Variants in RNF121 observed in about 807,000 individuals in gnomAD.
RNF121 encodes the protein E3 ubiquitin ligase RNF121.
Under a neutral mutation model 46.5 loss-of-function variants are expected in RNF121, and 21 were observed. The observed-to-expected ratio is 0.45, with a 90% CI of 0.32 to 0.65. The LOEUF is 0.65. Ranked by LOEUF, RNF121 falls within the 30% of genes least tolerant of loss-of-function variation. The probability of loss-of-function intolerance (pLI) is 0.04; values close to 1 mark genes in which losing one functional copy is unlikely to be tolerated. For missense variants in RNF121, 346 were observed against 416.0 expected, an observed-to-expected ratio of 0.83 and a Z score of 1.46; for synonymous variants, 139 against 144.7, an observed-to-expected ratio of 0.96 and a Z score of 0.28.
In RNF121 at chr11:71,987,120, C is replaced by A; in HGVS notation, c.506+9C>A. On this transcript the variant is annotated intron_variant, in intron 5 of 8. Coordinates refer to ENST00000361756, the MANE Select transcript of RNF121 (RefSeq NM_018320.5). ...CTTAACTTATTATTCAAGTGAGTACCCTTTGTTTTTGTTTTTGCTGGAGTT... is the reference window on the plus strand; with the variant it reads ...CTTAACTTATTATTCAAGTGAGTACACTTTGTTTTTGTTTTTGCTGGAGTT... 6.4e-7 allele frequency: 1 copy of A among 1,567,244 alleles called. No homozygotes were observed. Among genetic ancestry groups the A allele is most frequent in the Non-Finnish European group, 8.8e-7 (1 of 1,137,864 alleles).
At chr11:71,950,443 G>C (rs1953845283) in intron 1 of RNF121, among the ~76,000 whole-genome samples, 1 of 151,920 alleles carries the variant, frequency 6.6e-6, no homozygotes, top group South Asian at 2.1e-4. Context: ...AATTAGCCAG[G>C]CGTGATGGCT....
intron 4 of RNF121, 27 bp from the exon 5 acceptor site, chr11:71,986,977 T>C: frequency 1.5e-6 from 2 of 1,309,336 alleles, no homozygotes; most frequent in African/African-American, 1.4e-5. Flanking sequence ...CTGTGTCAGC[T>C]GCACTAACCT....
intron 2 of RNF121, among the ~76,000 whole-genome samples, chr11:71,957,589 C>A (rs891133783): frequency 2.6e-5 from 4 of 152,160 alleles, no homozygotes; most frequent in Admixed American, 6.5e-5. Flanking sequence ...AATATCTATA[C>A]CTCATAGAGT....
At chr11:71,961,966 A>ATTTTTTTTTT (rs11399586) in intron 3 of RNF121, among the ~76,000 whole-genome samples, 1 of 134,294 alleles carries the variant, frequency 7.4e-6, no homozygotes, top group South Asian at 2.3e-4. Context: ...ATCTGCAAAG[A>ATTTTTTTTTT]TTTTTTTTTT....
chr11:71,949,109 T>C (rs1953800225), intron 1 of RNF121, among the ~76,000 whole-genome samples: 1 of 152,204 alleles, frequency 6.6e-6, no homozygotes, highest in Admixed American at 6.5e-5. Context: ...TATTCCTCTT[T>C]AATGTTTTGT....
At chr11:71,969,029 G>T (rs1480380271) in intron 3 of RNF121, among the ~76,000 whole-genome samples, 2 of 151,856 alleles carry the variant, frequency 1.3e-5, no homozygotes, top group East Asian at 3.9e-4. Flanking sequence ...GGGATTATGG[G>T]TGTCTGCCAC....
chr11:71,995,400 C>T (rs1954954375), intron 7 of RNF121, 50 bp from the exon 8 acceptor site: 1 of 1,441,584 alleles, frequency 6.9e-7, no homozygotes. Flanking sequence ...CTGTCTGGGG[C>T]TGGAGTGCCG....
At chr11:71,969,269 A>G (rs890665887) in intron 3 of RNF121, among the ~76,000 whole-genome samples, 1 of 152,126 alleles carries the variant, frequency 6.6e-6, no homozygotes, top group Non-Finnish European at 1.5e-5. Context: ...TGAATGGGTG[A>G]GTTAGTTGTG....
At chr11:71,972,018 C>T (rs1476575950) in intron 3 of RNF121, among the ~76,000 whole-genome samples, 3 of 152,022 alleles carry the variant, frequency 2.0e-5, no homozygotes, top group African/African-American at 4.8e-5. Flanking sequence ...TAAAATGTGA[C>T]GGATGCATAT....
chr11:71,995,008 A>C (rs1479049055), intron 7 of RNF121, among the ~76,000 whole-genome samples, 156 bp downstream of exon 7: 1 of 152,140 alleles, frequency 6.6e-6, no homozygotes, highest in Non-Finnish European at 1.5e-5. Context: ...TTTCCCACAG[A>C]TCAGAGCCAC....
chr11:71,952,044 A>C (rs1695214802), intron 1 of RNF121, among the ~76,000 whole-genome samples: 1 of 152,248 alleles, frequency 6.6e-6, no homozygotes, highest in African/African-American at 2.4e-5. Flanking sequence ...AGCATTATTT[A>C]TAATAGCCAA....
intron 3 of RNF121, among the ~76,000 whole-genome samples, chr11:71,975,098 T>C (rs1045184720): frequency 2.6e-5 from 4 of 152,196 alleles, no homozygotes; most frequent in Admixed American, 2.0e-4. Context: ...CTGAACTGCT[T>C]TCCCTCCTGG....
In RNF121 at chr11:71,994,806, G is replaced by A; in HGVS notation, c.715G>A (p.Glu239Lys). ...CGQQIFVDVS[E>K]EGIIENTYRL... ...GCAGCAGATCTTTGTGGACGTCAGT[G>A]AAGAGGGGATCATTGAGAACACGTA... The change falls in exon 7 of 9, where the codon GAA becomes AAA. Residue 239 changes from glutamate (E) to lysine (K), a missense_variant. This residue lies in a region of RNF121 where 286 missense variants were observed against 383.8 expected (regional missense o/e 0.75). Transcript: ENST00000361756. 1.9e-6 allele frequency: 3 copies of A among 1,614,200 alleles called. No homozygotes were observed. The highest frequency in any genetic ancestry group is 2.5e-6 in the Non-Finnish European group (3 of 1,180,028).
chr11:71,929,079 G>A lies in RNF121; in HGVS notation c.18G>A (p.Glu6=). The A allele has an allele frequency of 6.4e-7, 1 of 1,551,644 alleles. No homozygotes were observed. The highest frequency in any genetic ancestry group is 8.7e-7 in the Non-Finnish European group (1 of 1,147,060). The change falls in exon 1 of 9, where the codon GAG becomes GAA. Residue 6 remains glutamate (E), a synonymous_variant. Coordinates refer to ENST00000361756, the MANE Select transcript of RNF121 (RefSeq NM_018320.5). MAAVV[E]VEVGGGAAGE... ...CCGTGAAGATGGCGGCAGTGGTGGAGGTGGAGGTTGGAGGTGGTGCTGCTG... is the reference window on the plus strand; with the variant it reads ...CCGTGAAGATGGCGGCAGTGGTGGAAGTGGAGGTTGGAGGTGGTGCTGCTG...
intron 3 of RNF121, among the ~76,000 whole-genome samples, chr11:71,981,026 T>C (rs1432473089): frequency 6.6e-6 from 1 of 152,090 alleles, no homozygotes; most frequent in African/African-American, 2.4e-5. Context: ...ATAGCACTGG[T>C]CTAGAAATCC....
At chr11:71,974,944 C>T (rs746492154) in intron 3 of RNF121, among the ~76,000 whole-genome samples, 1 of 152,228 alleles carries the variant, frequency 6.6e-6, no homozygotes, top group Admixed American at 6.5e-5. Context: ...TCTAACATTA[C>T]TCTTTAGCTC....
chr11:71,963,345 C>T (rs538889856), intron 3 of RNF121, among the ~76,000 whole-genome samples: 7 of 152,060 alleles, frequency 4.6e-5, no homozygotes, highest in Non-Finnish European at 7.4e-5. Context: ...AGTCTTGGCC[C>T]GGTGGGGTGG....
intron 3 of RNF121, among the ~76,000 whole-genome samples, chr11:71,966,964 C>G (rs1455160479): frequency 1.3e-5 from 2 of 148,856 alleles, no homozygotes; most frequent in East Asian, 3.9e-4. Context: ...CTCCGCTTCC[C>G]GGGTTCACGC....
chr11:71,966,165 G>A (rs1239177771), intron 3 of RNF121, among the ~76,000 whole-genome samples: 6 of 151,936 alleles, frequency 3.9e-5, no homozygotes, highest in South Asian at 4.2e-4. Flanking sequence ...GATTACAGGC[G>A]TGCGCCACCA....
Sources: gnomAD v4.1 joint callset for allele counts (sites outside exome capture counted in the v4.1 genomes callset) on GRCh38, gnomAD v4.1.1 for gene constraint, gnomAD v4.1.1 regional missense constraint, MANE v1.5 for transcripts, NCBI Gene and HGNC (gene_info 2026-07-23, HGNC 2026-07-21) for gene names.